The following BRCA2 variants were observed in gnomAD, a reference collection of about 807,000 sequenced individuals.
BRCA2 encodes BRCA2 DNA repair associated.
Under a neutral mutation model 276.7 loss-of-function variants are expected in BRCA2, and 203 were observed. The observed-to-expected ratio is 0.73, with a 90% CI of 0.65 to 0.82. BRCA2 has a LOEUF of 0.82. BRCA2 is among the 40% of genes least tolerant of loss of function. The probability of loss-of-function intolerance (pLI) is 0.00; values close to 1 mark genes in which losing one functional copy is unlikely to be tolerated. For missense variants in BRCA2, 3,920 were observed against 3,915.0 expected (o/e 1.00, Z -0.03); for synonymous variants, 1,289 against 1,338.4 (o/e 0.96, Z 0.81).
chr13:32,343,430 A>G (rs1407834456), intron 11 of BRCA2, among the ~76,000 whole-genome samples: 8 of 152,220 alleles, frequency 5.3e-5, no homozygotes, highest in Admixed American at 3.3e-4. Context: ...CACCGAAGTT[A>G]GTCTCCTCAT....
At chr13:32,377,182 G>T (rs1328675024) in intron 21 of BRCA2, among the ~76,000 whole-genome samples, 1 of 152,156 alleles carries the variant, frequency 6.6e-6, no homozygotes, top group Non-Finnish European at 1.5e-5. Flanking sequence ...GAGTGTACTT[G>T]ATAATCCTCT....
rs2072748397 is a variant in BRCA2, at chr13:32,362,665, G to A, written c.7948G>A (p.Glu2650Lys). ...ATTTGCTAATAGATGCCTAAGCCCAGAAAGGGTGCTTCTTCAACTAAAATA... is the reference window on the plus strand; with the variant it reads ...ATTTGCTAATAGATGCCTAAGCCCAAAAAGGGTGCTTCTTCAACTAAAATA... The part of the protein sequence containing the change: ...KEFANRCLSP[E>K]RVLLQLKYRY... The change falls in exon 17 of 27, where the codon GAA becomes AAA. Residue 2650 changes from glutamate (E) to lysine (K), a missense_variant. Glu to Lys is a moderately conservative substitution (Grantham distance 56). Around this residue, in one of 2 missense-constraint regions of BRCA2, gnomAD observed 3,263 missense variants for 3,156.9 expected, o/e 1.03. Coordinates refer to ENST00000380152, the MANE Select transcript of BRCA2 (RefSeq NM_000059.4). 1 of 1,614,176 alleles carries A rather than the reference G, an allele frequency of 6.2e-7. No individual in the cohort carries two copies. The highest frequency in any genetic ancestry group is 8.5e-7 in the Non-Finnish European group (1 of 1,180,032).
At chr13:32,320,434 T>C (rs891952337) in intron 3 of BRCA2, among the ~76,000 whole-genome samples, 1 of 152,204 alleles carries the variant, frequency 6.6e-6, no homozygotes. Flanking sequence ...TCCTACTGAA[T>C]TTCTTTTCGT....
At chr13:32,357,559 A>G (rs556345142) in intron 15 of BRCA2, among the ~76,000 whole-genome samples, 183 bp from the exon 16 acceptor site, 160 of 152,360 alleles carry the variant, frequency 1.1e-3, no homozygotes, top group Non-Finnish European at 2.0e-3. Context: ...TGTATGGATC[A>G]TTTATATTAC....
chr13:32,367,334 G>A (rs531961168), intron 18 of BRCA2, among the ~76,000 whole-genome samples: 1 of 152,200 alleles, frequency 6.6e-6, no homozygotes, highest in East Asian at 1.9e-4. Flanking sequence ...TATTTGGGAG[G>A]CTGAGGCAGG....
At chr13:32,348,081 AT>A (rs1352655770) in intron 13 of BRCA2, among the ~76,000 whole-genome samples, 10 of 152,152 alleles carry the variant, frequency 6.6e-5, no homozygotes, top group Middle Eastern at 6.3e-3. Flanking sequence ...ACAAGTTGCT[AT>A]AAAAAGCTCT....
chr13:32,333,015 A>G lies in BRCA2; in HGVS notation c.1537A>G (p.Lys513Glu), dbSNP rs1555281938. 2 of 1,596,448 alleles carry G rather than the reference A, an allele frequency of 1.3e-6. No homozygotes were observed. Among genetic ancestry groups the G allele is most frequent in the South Asian group, 1.2e-5 (1 of 86,658 alleles). The stretch of plus-strand genomic sequence containing the variant: ...TATATTCAGAATAAGAGAATCACCT[A>G]AAGAGACTTTCAATGCAAGTTTTTC... ...KSIFRIRESP[K>E]ETFNASFSGH... Residue 513 changes from lysine (K) to glutamate (E), a missense_variant, in exon 10 of 27, where the codon AAA becomes GAA. Physicochemically the swap from Lys to Glu is moderately conservative, Grantham distance 56. Around this residue, in one of 2 missense-constraint regions of BRCA2, gnomAD observed 3,263 missense variants for 3,156.9 expected, o/e 1.03. Transcript: ENST00000380152.
chr13:32,368,790 GTTTTTTTGTTTTTTTTTTGGT>G (rs1176341627), intron 18 of BRCA2, among the ~76,000 whole-genome samples: 1 of 112,550 alleles, frequency 8.9e-6, no homozygotes, highest in Non-Finnish European at 1.8e-5. Flanking sequence ...TTTGTTTTTT[GTTTTTTTGTTTTTTTTTTGGT>G]TTTTTTTGTT....
intron 3 of BRCA2, among the ~76,000 whole-genome samples, chr13:32,320,711 G>A (rs1166167058): frequency 6.6e-6 from 1 of 152,160 alleles, no homozygotes; most frequent in East Asian, 1.9e-4. Context: ...TAGGTAATGG[G>A]CAAATATTTA....
intron 17 of BRCA2, 27 bp from the exon 18 acceptor site, chr13:32,363,152 A>G (rs763294590): frequency 6.3e-7 from 1 of 1,585,268 alleles, no homozygotes; most frequent in Non-Finnish European, 8.7e-7. Context: ...CACTTCCTAA[A>G]ATATGCATTT....
chr13:32,362,249 C>G (rs1430159567), intron 16 of BRCA2, among the ~76,000 whole-genome samples: 1 of 152,092 alleles, frequency 6.6e-6, no homozygotes, highest in Admixed American at 6.6e-5. Context: ...AGGCTGGTCT[C>G]AAACTTCTGG....
Position 32,336,703 on chromosome 13 carries a change from T to C in BRCA2, c.2348T>C (p.Val783Ala), listed in dbSNP as rs768143929. 2 of 1,613,966 alleles carry C rather than the reference T, an allele frequency of 1.2e-6. No individual in the cohort carries two copies. Among genetic ancestry groups the C allele is most frequent in the East Asian group, 4.5e-5 (2 of 44,858 alleles). ...TCCAAGGATGTTCTGTCAAACCTAG[T>C]CATGATTTCTAGAGGCAAAGAATCA... Reference protein sequence around the residue: ...PTSKDVLSNLVMISRGKESYK... With the variant: ...PTSKDVLSNLAMISRGKESYK... The change falls in exon 11 of 27, where the codon GTC (valine) becomes GCC (alanine). Residue 783 changes from valine to alanine, a missense_variant. Transcript: ENST00000380152.
At chr13:32,378,029 A>C (rs1017148986) in intron 21 of BRCA2, among the ~76,000 whole-genome samples, 1 of 152,184 alleles carries the variant, frequency 6.6e-6, no homozygotes, top group Non-Finnish European at 1.5e-5. Context: ...CTGTGAGTAT[A>C]CTTGCTGCAG....
intron 11 of BRCA2, among the ~76,000 whole-genome samples, chr13:32,341,941 C>G (rs978988256): frequency 2.6e-5 from 4 of 151,670 alleles, no homozygotes; most frequent in Non-Finnish European, 5.9e-5. Context: ...ACACTACTTA[C>G]ATAGCTTCAG....
intron 7 of BRCA2, among the ~76,000 whole-genome samples, chr13:32,326,931 A>G (rs1372625197): frequency 6.6e-6 from 1 of 152,188 alleles, no homozygotes; most frequent in Non-Finnish European, 1.5e-5. Flanking sequence ...TCTTTTTACA[A>G]ATGATTGTGG....
chr13:32,347,038 T>TACCAA, intron 13 of BRCA2, 142 bp downstream of exon 13: 4 of 595,010 alleles, frequency 6.7e-6, no homozygotes, highest in Non-Finnish European at 1.1e-5. Context: ...AATACTTTGG[T>TACCAA]AGTATTTTAT....
Position 32,340,317 on chromosome 13 carries a change from G to A in BRCA2, c.5962G>A (p.Val1988Ile), listed in dbSNP as rs28897739. The A allele has an allele frequency of 9.3e-6, 15 of 1,613,840 alleles. No individual in the cohort carries two copies. ...CACAGCAAGTGGAAAATCTGTCCAG[G>A]TATCAGATGCTTCATTACAAAACGC... ...FSTASGKSVQ[V>I]SDASLQNARQ... The change falls in exon 11 of 27, where the codon GTA (valine) becomes ATA (isoleucine). Residue 1988 changes from valine to isoleucine, a missense_variant. This residue lies in a region of BRCA2 where 3,263 missense variants were observed against 3,156.9 expected (regional missense o/e 1.03). Coordinates refer to ENST00000380152, the MANE Select transcript of BRCA2 (RefSeq NM_000059.4).
chr13:32,330,307 A>T (rs1042418590), intron 8 of BRCA2, among the ~76,000 whole-genome samples: 10 of 152,166 alleles, frequency 6.6e-5, no homozygotes, highest in Non-Finnish European at 1.5e-4. Context: ...ACCAGCTCAT[A>T]TGTCTTTCTC....
intron 21 of BRCA2, among the ~76,000 whole-genome samples, chr13:32,378,085 C>A (rs1420151985): frequency 6.6e-6 from 1 of 152,120 alleles, no homozygotes; most frequent in Non-Finnish European, 1.5e-5. Context: ...AAATTATTTG[C>A]CTCTATCTTT....
Sources: gnomAD v4.1 joint callset for allele counts (sites outside exome capture counted in the v4.1 genomes callset) on GRCh38, gnomAD v4.1.1 for gene constraint, gnomAD v4.1.1 regional missense constraint, MANE v1.5 for transcripts, NCBI Gene and HGNC (gene_info 2026-07-23, HGNC 2026-07-21) for gene names.